The following PRKN variants were observed in gnomAD, a reference collection of about 807,000 sequenced individuals.
The protein encoded by PRKN is E3 ubiquitin-protein ligase parkin.
PRKN carries 56 observed loss-of-function variants against 59.5 expected under a neutral mutation model. The observed-to-expected ratio is 0.94, with a 90% confidence interval of 0.76 to 1.18. PRKN has a LOEUF of 1.18. PRKN is among the 50% of genes most tolerant of loss of function. The pLI, the probability that PRKN is intolerant of heterozygous loss-of-function variation, is 0.00. For missense variants in PRKN, 657 were observed against 596.4 expected, an observed-to-expected ratio of 1.10 and a Z score of -1.06; for synonymous variants, 250 against 222.1, an observed-to-expected ratio of 1.13 and a Z score of -1.12.
intron 1 of PRKN, among the ~76,000 whole-genome samples, chr6:162,655,552 G>T (rs182072200): frequency 2.8e-4 from 43 of 152,152 alleles, no homozygotes; most frequent in Middle Eastern, 3.4e-3. Flanking sequence ...TGCTCCAAAA[G>T]AAATTTTAGT....
chr6:162,367,232 T>C (rs191102967), intron 2 of PRKN, among the ~76,000 whole-genome samples: 81 of 152,276 alleles, frequency 5.3e-4, no homozygotes, highest in African/African-American at 1.8e-3. Context: ...CCTTCCACCA[T>C]GATTGTAAGT....
chr6:161,869,402 A>T (rs1306989035), intron 6 of PRKN, among the ~76,000 whole-genome samples: 1 of 152,108 alleles, frequency 6.6e-6, no homozygotes, highest in Non-Finnish European at 1.5e-5. Flanking sequence ...AAATAAAATA[A>T]AATAAAATAA....
chr6:161,951,356 G>T (rs914552908), intron 6 of PRKN, among the ~76,000 whole-genome samples: 1 of 152,088 alleles, frequency 6.6e-6, no homozygotes, highest in Non-Finnish European at 1.5e-5. Context: ...GTTTCTAATG[G>T]CCTGTAAACA....
chr6:161,970,203 G>C (rs896797876), intron 6 of PRKN, among the ~76,000 whole-genome samples: 2 of 151,828 alleles, frequency 1.3e-5, no homozygotes, highest in Non-Finnish European at 2.9e-5. Flanking sequence ...CATCATGCCT[G>C]GCTAATTTTT....
chr6:162,024,609 C>A (rs1783350898), intron 5 of PRKN, among the ~76,000 whole-genome samples: 1 of 152,142 alleles, frequency 6.6e-6, no homozygotes, highest in Non-Finnish European at 1.5e-5. Flanking sequence ...AATGTATTCC[C>A]AGGAATATTA....
intron 6 of PRKN, among the ~76,000 whole-genome samples, chr6:161,917,336 C>T (rs1267757693): frequency 6.6e-6 from 1 of 151,990 alleles, no homozygotes; most frequent in Non-Finnish European, 1.5e-5. Context: ...AAACTCCTGA[C>T]CTCAGGTGAT....
At chr6:161,795,599 T>C (rs181024082) in intron 6 of PRKN, among the ~76,000 whole-genome samples, 7 of 152,116 alleles carry the variant, frequency 4.6e-5, no homozygotes, top group Admixed American at 1.3e-4. Flanking sequence ...ATTCAACATA[T>C]ACTAATTGGA....
intron 2 of PRKN, among the ~76,000 whole-genome samples, chr6:162,313,372 C>CT (rs1782609591): frequency 6.6e-6 from 1 of 152,098 alleles, no homozygotes; most frequent in Admixed American, 6.6e-5. Context: ...TTGTAACTGG[C>CT]TTATTTCACT....
In PRKN at chr6:162,716,782, A is replaced by ACGCGCACACACACACG. The variant is rs1554264967; in HGVS notation, c.7+10879_7+10880insCGTGTGTGTGTGCGCG. Reference sequence around the variant, plus strand: ...TGCGCGCGCGCGCACGCACACACACACGCGCACACACACACACACACACAC... The same window carrying ACGCGCACACACACACG: ...TGCGCGCGCGCGCACGCACACACACACGCGCACACACACACGCGCGCACACACACACACACACACAC... On this transcript the variant is annotated intron_variant, in intron 1 of 11. Transcript: ENST00000366898. Among the ~76,000 whole-genome samples, 207 of 128,310 alleles carry ACGCGCACACACACACG rather than the reference A, an allele frequency of 1.6e-3. 2 individuals are homozygous for ACGCGCACACACACACG. The highest frequency in any genetic ancestry group is 7.2e-3 in the African/African-American group (199 of 27,818). 84.2% of individuals were successfully genotyped at this position (128,310 alleles called of 152,430 possible).
At position 161,802,747 on chromosome 6, in the gene PRKN, G is replaced by A. The variant is rs150638413; in HGVS notation, c.735-16839C>T. Among the ~76,000 whole-genome samples, 115 of 152,194 alleles carry A rather than the reference G, an allele frequency of 7.6e-4. 1 individual carries two copies. Among genetic ancestry groups the A allele is most frequent in the African/African-American group, 2.6e-3 (108 of 41,522 alleles). On this transcript the variant is annotated intron_variant, in intron 6 of 11. Coordinates refer to ENST00000366898, the MANE Select transcript of PRKN (RefSeq NM_004562.3). ...TCCATAACATCAATCACTTCCTATA[G>A]TAGATTTGCCTTCTTACTCGCAATG...
chr6:161,413,312 C>T lies in PRKN; in HGVS notation c.1084-26435G>A, dbSNP rs1034079097. Among the ~76,000 whole-genome samples the T allele has an allele frequency of 6.6e-6, 1 of 152,078 alleles. No individual in the cohort carries two copies. Among genetic ancestry groups the T allele is most frequent in the African/African-American group, 2.4e-5 (1 of 41,386 alleles). ...CCTTGTTCCACTGCCAGGGTCCTGT[C>T]CTCCCTCCGCTTTCCCTTCACTTCC... On this transcript the variant is annotated intron_variant, in intron 9 of 11. Coordinates refer to ENST00000366898, the MANE Select transcript of PRKN (RefSeq NM_004562.3). The surrounding 1 kb of genome is among the most constrained non-coding windows in gnomAD (Gnocchi z 4.4).
At chr6:162,139,578 G>A (rs901409491) in intron 4 of PRKN, among the ~76,000 whole-genome samples, 19 of 152,136 alleles carry the variant, frequency 1.2e-4, no homozygotes, top group African/African-American at 4.6e-4. Flanking sequence ...CAGCATCACA[G>A]TCATCTCCAT....
chr6:162,123,855 C>T (rs1350853339), intron 4 of PRKN, among the ~76,000 whole-genome samples: 3 of 152,152 alleles, frequency 2.0e-5, no homozygotes, highest in African/African-American at 7.2e-5. Flanking sequence ...ATTCTATTCT[C>T]TAATGTTTTG....
At chr6:162,580,862 C>A (rs189594439) in intron 1 of PRKN, among the ~76,000 whole-genome samples, 141 of 152,314 alleles carry the variant, frequency 9.3e-4, no homozygotes, top group African/African-American at 3.3e-3. Context: ...GTATATAACG[C>A]CTTTGCCACT....
At position 161,399,419 on chromosome 6, in the gene PRKN, G is replaced by A. The variant is rs186470612; in HGVS notation, c.1084-12542C>T. Among the ~76,000 whole-genome samples the A allele has an allele frequency of 6.6e-6, 1 of 152,314 alleles. No homozygotes were observed. The highest frequency in any genetic ancestry group is 1.5e-5 in the Non-Finnish European group (1 of 68,032). Reference sequence around the variant, plus strand: ...TTAAAAGAGCGCACTGTAACACACAGCTAACTGGGCTTTGGGAGTCACAGG... The same window carrying A: ...TTAAAAGAGCGCACTGTAACACACAACTAACTGGGCTTTGGGAGTCACAGG... On this transcript the variant is annotated intron_variant, in intron 9 of 11. Coordinates refer to ENST00000366898, the MANE Select transcript of PRKN (RefSeq NM_004562.3). This position sits in a 1 kb window ranked among gnomAD's most constrained non-coding sequence, Gnocchi z 4.4.
intron 4 of PRKN, among the ~76,000 whole-genome samples, chr6:162,195,912 G>A (rs1784472619): frequency 6.6e-6 from 1 of 152,200 alleles, no homozygotes; most frequent in Admixed American, 6.5e-5. Context: ...ACCAGATGCT[G>A]TATGTGCTCT....
intron 7 of PRKN, among the ~76,000 whole-genome samples, chr6:161,573,462 T>A (rs944540445): frequency 1.3e-4 from 20 of 151,496 alleles, no homozygotes; most frequent in African/African-American, 4.1e-4. Flanking sequence ...GGTTCACGCC[T>A]GTAATCCCAG....
chr6:161,454,836 A>G lies in PRKN; in HGVS notation c.1084-67959T>C, dbSNP rs1172816683. On this transcript the variant is annotated intron_variant, in intron 9 of 11. Transcript: ENST00000366898. The surrounding 1 kb of genome is among the most constrained non-coding windows in gnomAD (Gnocchi z 4.6). ...ACTGCTGAGACATCACCTCTCCAGT[A>G]AAACCATCTAGCCTGTCTAAAGTCA... Among the ~76,000 whole-genome samples, 3 of 152,178 alleles carry G rather than the reference A, an allele frequency of 2.0e-5. No individual in the cohort carries two copies. The highest frequency in any genetic ancestry group is 7.2e-5 in the African/African-American group (3 of 41,440).
chr6:162,076,688 C>T (rs183837308), intron 4 of PRKN, among the ~76,000 whole-genome samples: 12 of 152,228 alleles, frequency 7.9e-5, no homozygotes, highest in Non-Finnish European at 1.6e-4. Flanking sequence ...TTAAGTTTCT[C>T]ACAGGTTTCC....
Sources: gnomAD v4.1 joint callset for allele counts (sites outside exome capture counted in the v4.1 genomes callset) on GRCh38, gnomAD v4.1.1 for gene constraint, Gnocchi (gnomAD v3.1) non-coding constraint, MANE v1.5 for transcripts, NCBI Gene and HGNC (gene_info 2026-07-23, HGNC 2026-07-21) for gene names.